The following ATG7 variants were observed in gnomAD, a reference collection of about 807,000 sequenced individuals.
The protein encoded by ATG7 is ubiquitin-like modifier-activating enzyme ATG7.
A neutral mutation model predicts 82.4 loss-of-function variants in ATG7; 70 were observed. The observed-to-expected ratio is 0.85, with a 90% CI of 0.70 to 1.04. The LOEUF is 1.04. Ranked by LOEUF, ATG7 falls within the 50% of genes least tolerant of loss-of-function variation. The pLI is 0.00. For synonymous variants in ATG7, 287 were observed against 313.0 expected (o/e 0.92, Z 0.88); for missense variants, 792 against 864.3 (o/e 0.92, Z 1.05).
intron 14 of ATG7, among the ~76,000 whole-genome samples, chr3:11,352,107 T>C (rs1302339637): frequency 2.0e-5 from 3 of 151,878 alleles, no homozygotes; most frequent in African/African-American, 7.3e-5. Context: ...CGGTGTTTGG[T>C]TTTCTGTCTT....
In ATG7 at chr3:11,382,061, T is replaced by A. The variant is rs146454570; in HGVS notation, c.1956+2009T>A. On this transcript the variant is annotated intron_variant, in intron 19 of 20. Coordinates refer to ENST00000693202, the MANE Select transcript of ATG7 (RefSeq NM_001349232.2). ...AAAAGATTGGGGCTAAAAATTACTT[T>A]TAAAAATTTATCCTTTGACATTCAT... Among the ~76,000 whole-genome samples, 948 of 152,356 alleles carry A rather than the reference T, an allele frequency of 6.2e-3. 8 individuals carry two copies. The highest frequency in any genetic ancestry group is 0.021 in the African/African-American group (878 of 41,578).
chr3:11,524,192 GC>G (rs1234305102), intron 20 of ATG7, among the ~76,000 whole-genome samples: 9 of 152,130 alleles, frequency 5.9e-5, no homozygotes, highest in African/African-American at 1.9e-4. Flanking sequence ...TACCTGGCAG[GC>G]TCCCCTTCAC....
downstream of ATG7, chr3:11,559,405 G>C: frequency 1.3e-6 from 2 of 1,562,898 alleles, no homozygotes; most frequent in Non-Finnish European, 1.7e-6. Flanking sequence ...AGTGCGAGAG[G>C]TTGCAGTTGC....
chr3:11,502,087 CAT>C (rs2091373487), intron 20 of ATG7, among the ~76,000 whole-genome samples: 1 of 151,800 alleles, frequency 6.6e-6, no homozygotes, highest in Admixed American at 6.6e-5. Flanking sequence ...ATAACAGTAA[CAT>C]ATGTCATTTA....
intron 20 of ATG7, among the ~76,000 whole-genome samples, chr3:11,547,082 G>A (rs138253426): frequency 3.9e-5 from 6 of 152,352 alleles, no homozygotes; most frequent in East Asian, 1.9e-4. Context: ...GTGCATTTGC[G>A]TGACAGGCGG....
intron 20 of ATG7, among the ~76,000 whole-genome samples, chr3:11,495,230 A>G (rs1012492343): frequency 2.6e-5 from 4 of 152,196 alleles, no homozygotes; most frequent in African/African-American, 9.7e-5. Flanking sequence ...AGGGATTGTC[A>G]TGGACCTTGA....
chr3:11,440,674 C>CATTTTTTTTTTTTTTTTTT (rs769737485), intron 20 of ATG7, among the ~76,000 whole-genome samples: 11 of 39,492 alleles, frequency 2.8e-4, no homozygotes, highest in African/African-American at 1.2e-3. Context: ...TCCCCATTTG[C>CATTTTTTTTTTTTTTTTTT]TTTTTTTTTT....
chr3:11,321,341 A>G (rs1950188969), intron 9 of ATG7, among the ~76,000 whole-genome samples: 1 of 152,128 alleles, frequency 6.6e-6, no homozygotes, highest in South Asian at 2.1e-4. Context: ...TTGGCTGACT[A>G]TGAGAGAGTG....
At position 11,510,657 on chromosome 3, in the gene ATG7, C is replaced by A. The variant is rs1235562192; in HGVS notation, c.2080-44154C>A. Among the ~76,000 whole-genome samples the A allele has an allele frequency of 2.6e-5, 4 of 152,180 alleles. No individual in the cohort carries two copies. The East Asian group carries it at 5.8e-4, about 22-fold the overall frequency. Reference sequence around the variant, plus strand: ...ACTGTCCTTTCTTTACATCCTCTTCCCAGGGCTTCATGCTGCAAAACAGCA... The same window carrying A: ...ACTGTCCTTTCTTTACATCCTCTTCACAGGGCTTCATGCTGCAAAACAGCA... On this transcript the variant is annotated intron_variant, in intron 20 of 20. Transcript: ENST00000693202.
At chr3:11,310,787 C>CA (rs1189034251) in intron 7 of ATG7, among the ~76,000 whole-genome samples, 1 of 152,088 alleles carries the variant, frequency 6.6e-6, no homozygotes, top group Non-Finnish European at 1.5e-5. Context: ...CACCCACCAC[C>CA]ACACCCGGCT....
chr3:11,522,105 C>G (rs759367218), intron 20 of ATG7, among the ~76,000 whole-genome samples: 1 of 152,134 alleles, frequency 6.6e-6, no homozygotes, highest in Non-Finnish European at 1.5e-5. Context: ...GCCAGGGTTC[C>G]GTTTCAGATC....
intron 20 of ATG7, among the ~76,000 whole-genome samples, chr3:11,539,952 A>G (rs1466094135): frequency 4.6e-5 from 7 of 152,080 alleles, no homozygotes; most frequent in Admixed American, 3.3e-4. Flanking sequence ...AGTGTACCAG[A>G]ATTGTTTACT....
chr3:11,280,350 C>G (rs1942825203), intron 1 of ATG7, among the ~76,000 whole-genome samples: 1 of 152,200 alleles, frequency 6.6e-6, no homozygotes, highest in Non-Finnish European at 1.5e-5. Flanking sequence ...AATCTTCACA[C>G]TAATTCTGCA....
intron 14 of ATG7, among the ~76,000 whole-genome samples, chr3:11,349,178 G>T (rs1322678319): frequency 1.3e-5 from 2 of 152,134 alleles, no homozygotes; most frequent in Admixed American, 6.5e-5. Flanking sequence ...GCGCTGATTG[G>T]TGCGTTTCTA....
At chr3:11,275,515 AT>A (rs34040398) in intron 1 of ATG7, among the ~76,000 whole-genome samples, 4,248 of 109,162 alleles carry the variant, frequency 0.039, 78 homozygotes, top group African/African-American at 0.055. Context: ...TGCCCGGCTA[AT>A]TTTTTTTTTT....
chr3:11,475,209 T>C (rs971408837), intron 20 of ATG7, among the ~76,000 whole-genome samples: 2 of 152,086 alleles, frequency 1.3e-5, no homozygotes, highest in Non-Finnish European at 2.9e-5. Context: ...TGTGTAACAA[T>C]AATAGCTCCC....
intron 20 of ATG7, among the ~76,000 whole-genome samples, chr3:11,537,924 C>T (rs1026330820): frequency 6.6e-6 from 1 of 151,346 alleles, no homozygotes; most frequent in Non-Finnish European, 1.5e-5. Flanking sequence ...AAGTCCAGTG[C>T]TGTTTCCTTT....
intron 20 of ATG7, among the ~76,000 whole-genome samples, chr3:11,553,033 GC>G (rs2071968911): frequency 1.3e-5 from 2 of 152,178 alleles, no homozygotes; most frequent in Non-Finnish European, 2.9e-5. Context: ...TACTGACCCT[GC>G]CCTGCCCAGG....
At chr3:11,427,496 T>TTTTA (rs1553658132) in intron 20 of ATG7, among the ~76,000 whole-genome samples, 1 of 151,564 alleles carries the variant, frequency 6.6e-6, no homozygotes, top group African/African-American at 2.4e-5. Flanking sequence ...GCATCATTTT[T>TTTTA]TTTTTTTTTT....
Sources: gnomAD v4.1 joint callset for allele counts (sites outside exome capture counted in the v4.1 genomes callset) on GRCh38, gnomAD v4.1.1 for gene constraint, MANE v1.5 for transcripts, NCBI Gene and HGNC (gene_info 2026-07-23, HGNC 2026-07-21) for gene names.